PIGL: variants seen among roughly 807,000 people sequenced by gnomAD.
PIGL encodes N-acetylglucosaminyl-phosphatidylinositol de-N-acetylase.
Under a neutral mutation model 31.1 loss-of-function variants are expected in PIGL, and 22 were observed. The observed-to-expected ratio is 0.71, with a 90% CI of 0.51 to 1.01. The LOEUF (loss-of-function observed/expected upper bound fraction) is 1.01. Ranked by LOEUF, PIGL falls within the 50% of genes least tolerant of loss-of-function variation. The pLI, the probability that PIGL is intolerant of heterozygous loss-of-function variation, is 0.00. For synonymous variants in PIGL, 131 were observed against 117.4 expected, an observed-to-expected ratio of 1.12 and a Z score of -0.75; for missense variants, 302 against 315.9, an observed-to-expected ratio of 0.96 and a Z score of 0.33.
intron 2 of PIGL, among the ~76,000 whole-genome samples, chr17:16,274,253 G>C (rs1200503191): frequency 2.0e-5 from 3 of 152,138 alleles, no homozygotes; most frequent in African/African-American, 7.2e-5. Context: ...GACGTGAGAA[G>C]GTTGGAGCGT....
chr17:16,280,557 C>T (rs935247670), intron 2 of PIGL, among the ~76,000 whole-genome samples: 1 of 152,118 alleles, frequency 6.6e-6, no homozygotes, highest in African/African-American at 2.4e-5. Flanking sequence ...GCCCTTGCCC[C>T]ACGCATGCAC....
At chr17:16,269,927 T>G (rs1172789146) in intron 2 of PIGL, among the ~76,000 whole-genome samples, 1 of 152,110 alleles carries the variant, frequency 6.6e-6, no homozygotes, top group African/African-American at 2.4e-5. Context: ...TTACACTTCA[T>G]TCATCTGTCT....
chr17:16,295,490 C>T lies in PIGL; in HGVS notation c.336-4398C>T, dbSNP rs961992402. 5.3e-5 allele frequency among the ~76,000 whole-genome samples: 8 copies of T among 150,844 alleles called. No homozygotes were observed. The South Asian group carries it at 1.0e-3, about 20-fold the overall frequency. On this transcript the variant is annotated intron_variant, in intron 2 of 6. Transcript: ENST00000225609. Reference sequence around the variant, plus strand: ...GATTCCATACATGTACTAAAAATCACTGAGTTATTAGCTGGGCTTGGTGGC... The same window carrying T: ...GATTCCATACATGTACTAAAAATCATTGAGTTATTAGCTGGGCTTGGTGGC...
At chr17:16,310,597 C>T (rs923894286) in intron 3 of PIGL, among the ~76,000 whole-genome samples, 2 of 152,004 alleles carry the variant, frequency 1.3e-5, no homozygotes, top group South Asian at 2.1e-4. Context: ...AGTCCAGTGG[C>T]GTGATATTGG....
intron 1 of PIGL, among the ~76,000 whole-genome samples, chr17:16,224,244 A>G (rs747284970): frequency 1.3e-5 from 2 of 152,054 alleles, no homozygotes; most frequent in South Asian, 2.1e-4. Context: ...AAGCTACACT[A>G]TATTATAGAA....
intron 2 of PIGL, among the ~76,000 whole-genome samples, chr17:16,271,053 T>A (rs548417716): frequency 2.6e-4 from 40 of 152,284 alleles, no homozygotes; most frequent in Admixed American, 1.8e-3. Flanking sequence ...AGTCATAGAA[T>A]GTATGTATTT....
chr17:16,249,873 TA>T (rs1431086082), intron 2 of PIGL, among the ~76,000 whole-genome samples: 2 of 152,206 alleles, frequency 1.3e-5, no homozygotes, highest in Admixed American at 6.5e-5. Flanking sequence ...AACCCCCTCA[TA>T]AAAATGCCCA....
intron 6 of PIGL, among the ~76,000 whole-genome samples, chr17:16,325,482 G>A (rs2093123849): frequency 6.6e-6 from 1 of 152,122 alleles, no homozygotes; most frequent in East Asian, 1.9e-4. Flanking sequence ...AGTAATAACA[G>A]TACTTGATTC....
At chr17:16,239,648 C>T (rs2092714672) in intron 2 of PIGL, among the ~76,000 whole-genome samples, 2 of 152,172 alleles carry the variant, frequency 1.3e-5, no homozygotes, top group Admixed American at 1.3e-4. Context: ...GAGTTTTGTG[C>T]TTCAGAATGA....
intron 2 of PIGL, among the ~76,000 whole-genome samples, chr17:16,245,457 A>C (rs2092740883): frequency 6.6e-6 from 1 of 151,412 alleles, no homozygotes; most frequent in Non-Finnish European, 1.5e-5. Context: ...TGATATTTTC[A>C]GTTTAGGATG....
chr17:16,276,413 GA>G (rs1001339637), intron 2 of PIGL, among the ~76,000 whole-genome samples: 1 of 151,998 alleles, frequency 6.6e-6, no homozygotes, highest in Non-Finnish European at 1.5e-5. Context: ...TTAAATTGCA[GA>G]AAAAAAACTT....
intron 2 of PIGL, among the ~76,000 whole-genome samples, chr17:16,281,718 G>A (rs1305522515): frequency 6.6e-6 from 1 of 152,198 alleles, no homozygotes; most frequent in Non-Finnish European, 1.5e-5. Context: ...AATTTTAGAA[G>A]GAATTGGATA....
intron 2 of PIGL, among the ~76,000 whole-genome samples, chr17:16,248,198 A>G (rs2092756950): frequency 6.6e-6 from 1 of 151,886 alleles, no homozygotes; most frequent in Non-Finnish European, 1.5e-5. Flanking sequence ...AAGCTTTCTC[A>G]TTTTTTTACA....
At chr17:16,268,797 C>T (rs1423335791) in intron 2 of PIGL, among the ~76,000 whole-genome samples, 1 of 150,950 alleles carries the variant, frequency 6.6e-6, no homozygotes, top group Non-Finnish European at 1.5e-5. Flanking sequence ...GAGTCTTGTT[C>T]TGTCGCCCAG....
chr17:16,281,992 C>T, intron 2 of PIGL: 2 of 499,678 alleles, frequency 4.0e-6, no homozygotes, highest in Non-Finnish European at 8.4e-6. Context: ...GGGGCGACAG[C>T]TGTCCATGGG....
At chr17:16,267,824 G>A (rs1262402769) in intron 2 of PIGL, among the ~76,000 whole-genome samples, 1 of 152,156 alleles carries the variant, frequency 6.6e-6, no homozygotes, top group Non-Finnish European at 1.5e-5. Flanking sequence ...AGCCAGCCCA[G>A]GGGGTGCAAC....
chr17:16,320,202 AAAGGAAGGAAG>A (rs1387823305), intron 6 of PIGL, among the ~76,000 whole-genome samples: 4 of 63,272 alleles, frequency 6.3e-5, no homozygotes, highest in Non-Finnish European at 1.1e-4. Flanking sequence ...GAGAGAAAGA[AAAGGAAGGAAG>A]GAAGGAAGGA....
chr17:16,232,989 G>A (rs2092685234), intron 1 of PIGL, among the ~76,000 whole-genome samples: 1 of 152,034 alleles, frequency 6.6e-6, no homozygotes, highest in Middle Eastern at 3.4e-3. Context: ...GTGGTGGCGG[G>A]TGCCTGTAAT....
At chr17:16,230,445 G>A (rs553714178) in intron 1 of PIGL, among the ~76,000 whole-genome samples, 5 of 152,162 alleles carry the variant, frequency 3.3e-5, no homozygotes, top group Admixed American at 6.6e-5. Flanking sequence ...CTGTTACCCC[G>A]AATAGATCTT....
Sources: allele counts gnomAD v4.1 joint callset (sites outside exome capture counted in the v4.1 genomes callset), GRCh38; gene constraint gnomAD v4.1.1; transcripts MANE v1.5; gene names NCBI Gene and HGNC (gene_info 2026-07-23, HGNC 2026-07-21).